The following ADAMTS17 variants were observed in gnomAD, a reference collection of about 807,000 sequenced individuals.
ADAMTS17 encodes ADAM metallopeptidase with thrombospondin type 1 motif 17.
A neutral mutation model predicts 141.5 loss-of-function variants in ADAMTS17; 113 were observed. The observed-to-expected ratio is 0.80, with a 90% CI of 0.69 to 0.93. ADAMTS17 has a LOEUF of 0.93. Among genes scored for constraint, ADAMTS17 ranks in the 40% least tolerant of loss-of-function variants. The pLI, the probability that ADAMTS17 is intolerant of heterozygous loss-of-function variation, is 0.00. For missense variants in ADAMTS17, 1,659 were observed against 1,517.9 expected (o/e 1.09, Z -1.54); for synonymous variants, 768 against 630.6 (o/e 1.22, Z -3.27).
chr15:100,292,547 TGA>T (rs1461935970), intron 3 of ADAMTS17, among the ~76,000 whole-genome samples: 3 of 147,712 alleles, frequency 2.0e-5, no homozygotes, highest in African/African-American at 5.0e-5. Flanking sequence ...TGAGAAATTA[TGA>T]GAGACACTCA....
At chr15:100,165,516 T>A (rs2039914868) in intron 8 of ADAMTS17, among the ~76,000 whole-genome samples, 1 of 152,126 alleles carries the variant, frequency 6.6e-6, no homozygotes, top group African/African-American at 2.4e-5. Flanking sequence ...TCCCACAATG[T>A]CCTCACTGCT....
At chr15:100,033,194 T>C (rs903496058) in intron 18 of ADAMTS17, among the ~76,000 whole-genome samples, 1 of 152,100 alleles carries the variant, frequency 6.6e-6, no homozygotes, top group Non-Finnish European at 1.5e-5. Flanking sequence ...TCACACCTGA[T>C]CAAATTACAC....
intron 2 of ADAMTS17, 35 bp downstream of exon 2, chr15:100,341,004 C>T: frequency 6.6e-7 from 1 of 1,524,334 alleles, no homozygotes; most frequent in East Asian, 2.5e-5. Flanking sequence ...CGCAACAGAC[C>T]GGACGGGCCG....
At chr15:100,255,617 A>AACACACATACACAC (rs2043300133) in intron 6 of ADAMTS17, among the ~76,000 whole-genome samples, 1 of 140,186 alleles carries the variant, frequency 7.1e-6, no homozygotes, top group Admixed American at 7.1e-5. Context: ...TGTTTTGAGC[A>AACACACATACACAC]ACACACACAC....
At chr15:100,217,408 G>A (rs1361270396) in intron 7 of ADAMTS17, among the ~76,000 whole-genome samples, 3 of 152,154 alleles carry the variant, frequency 2.0e-5, no homozygotes, top group African/African-American at 7.2e-5. Flanking sequence ...GACCAGCCTG[G>A]CCAACACGGG....
intron 12 of ADAMTS17, among the ~76,000 whole-genome samples, chr15:100,131,726 C>T (rs1387762576): frequency 6.6e-6 from 1 of 152,134 alleles, no homozygotes; most frequent in Non-Finnish European, 1.5e-5. Flanking sequence ...GACTGTCATA[C>T]AGCTGTCTCC....
intron 7 of ADAMTS17, among the ~76,000 whole-genome samples, chr15:100,244,450 C>G (rs1466090336): frequency 1.3e-5 from 2 of 151,434 alleles, no homozygotes; most frequent in East Asian, 4.0e-4. Context: ...TCATCTAGCT[C>G]CAATAATTAT....
intron 18 of ADAMTS17, among the ~76,000 whole-genome samples, chr15:100,011,415 A>AGAAGAAAG (rs1449966358): frequency 2.7e-5 from 3 of 112,178 alleles, no homozygotes; most frequent in African/African-American, 9.8e-5. Flanking sequence ...AGGAAAGGAA[A>AGAAGAAAG]GAAGAAAGGG....
chr15:100,130,495 A>G (rs914229038), intron 12 of ADAMTS17, among the ~76,000 whole-genome samples: 2 of 152,154 alleles, frequency 1.3e-5, no homozygotes, highest in South Asian at 2.1e-4. Context: ...CATTGCTGGG[A>G]AAATGGTGCT....
intron 18 of ADAMTS17, among the ~76,000 whole-genome samples, chr15:100,023,086 G>C (rs1232896045): frequency 3.9e-5 from 6 of 152,192 alleles, no homozygotes; most frequent in African/African-American, 1.2e-4. Flanking sequence ...AGACTGGCTG[G>C]CTGCCATTCT....
intron 15 of ADAMTS17, among the ~76,000 whole-genome samples, chr15:100,077,829 T>C (rs1398745180): frequency 2.0e-5 from 3 of 152,180 alleles, no homozygotes; most frequent in African/African-American, 7.2e-5. Context: ...ATTATCTCTA[T>C]TTGCAGATGC....
intron 14 of ADAMTS17, among the ~76,000 whole-genome samples, chr15:100,097,774 CG>C (rs1250231140): frequency 6.6e-6 from 1 of 152,216 alleles, no homozygotes; most frequent in Admixed American, 6.5e-5. Flanking sequence ...GGCTGCTTGC[CG>C]GGGCCATGCG....
intron 4 of ADAMTS17, among the ~76,000 whole-genome samples, chr15:100,273,198 G>A (rs1285189032): frequency 6.6e-6 from 1 of 152,094 alleles, no homozygotes; most frequent in Admixed American, 6.5e-5. Flanking sequence ...TGTTATCAGG[G>A]AATGCCAGTC....
intron 3 of ADAMTS17, among the ~76,000 whole-genome samples, chr15:100,288,297 G>A (rs1045500158): frequency 4.6e-5 from 7 of 152,214 alleles, no homozygotes; most frequent in African/African-American, 1.7e-4. Context: ...AATGGTAAAG[G>A]GTTCAATTCA....
intron 18 of ADAMTS17, among the ~76,000 whole-genome samples, chr15:100,034,485 C>G (rs1435356637): frequency 6.6e-6 from 1 of 152,228 alleles, no homozygotes; most frequent in Non-Finnish European, 1.5e-5. Flanking sequence ...CTGCCACTAC[C>G]AGGCTGGATG....
chr15:100,007,087 G>A (rs574960579), intron 18 of ADAMTS17, among the ~76,000 whole-genome samples: 1 of 152,298 alleles, frequency 6.6e-6, no homozygotes, highest in African/African-American at 2.4e-5. Flanking sequence ...CCTCAGGGGT[G>A]GGAGAAACAT....
intron 7 of ADAMTS17, among the ~76,000 whole-genome samples, chr15:100,245,573 T>G (rs1414941427): frequency 1.3e-5 from 2 of 152,232 alleles, no homozygotes; most frequent in African/African-American, 2.4e-5. Context: ...TTCTAATGTA[T>G]TTCAGCCATT....
chr15:100,126,986 C>T (rs888089770), intron 12 of ADAMTS17, among the ~76,000 whole-genome samples: 1 of 152,176 alleles, frequency 6.6e-6, no homozygotes, highest in Non-Finnish European at 1.5e-5. Flanking sequence ...CCATTTGAAG[C>T]AGGCTGTCAG....
At chr15:100,156,056 G>A (rs1030505123) in intron 8 of ADAMTS17, among the ~76,000 whole-genome samples, 6 of 152,208 alleles carry the variant, frequency 3.9e-5, no homozygotes. Context: ...AACAATCTCA[G>A]TGGAACAACG....
Sources: allele counts gnomAD v4.1 joint callset (sites outside exome capture counted in the v4.1 genomes callset), GRCh38; gene constraint gnomAD v4.1.1; transcripts MANE v1.5; gene names NCBI Gene and HGNC (gene_info 2026-07-23, HGNC 2026-07-21).